The following PDGFD variants were observed in gnomAD, a reference collection of about 807,000 sequenced individuals.
PDGFD encodes the protein platelet derived growth factor D, also known as platelet-derived growth factor D.
In PDGFD, 30 loss-of-function variants were observed where a neutral mutation model predicts 44.7. The observed-to-expected ratio is 0.67, with a 90% CI of 0.50 to 0.91. PDGFD has a LOEUF of 0.91. PDGFD is among the 40% of genes least tolerant of loss of function. The probability of loss-of-function intolerance (pLI) is 0.00; values close to 1 mark genes in which losing one functional copy is unlikely to be tolerated. For missense variants in PDGFD, 445 were observed against 457.8 expected (o/e 0.97, Z 0.25); for synonymous variants, 173 against 168.4 (o/e 1.03, Z -0.21).
intron 1 of PDGFD, among the ~76,000 whole-genome samples, chr11:104,087,028 T>A (rs1390984164): frequency 2.5e-5 from 1 of 39,928 alleles, no homozygotes; most frequent in African/African-American, 3.6e-4. Context: ...AGTCTTTTTT[T>A]TTTTTTTTTT....
chr11:104,029,854 ATAAG>A (rs1481680856), intron 1 of PDGFD, among the ~76,000 whole-genome samples: 1 of 152,174 alleles, frequency 6.6e-6, no homozygotes, highest in Non-Finnish European at 1.5e-5. Context: ...TGTATGATAG[ATAAG>A]TGTTTAGTAC....
chr11:103,980,535 T>C (rs1338351464), intron 3 of PDGFD, among the ~76,000 whole-genome samples: 1 of 152,052 alleles, frequency 6.6e-6, no homozygotes, highest in Non-Finnish European at 1.5e-5. Flanking sequence ...GCCAGGGTTG[T>C]GGGTGTCGAA....
intron 1 of PDGFD, among the ~76,000 whole-genome samples, chr11:104,151,020 G>A (rs1862236754): frequency 6.6e-6 from 1 of 152,052 alleles, no homozygotes; most frequent in Non-Finnish European, 1.5e-5. Context: ...ATAACATTTT[G>A]CAATTTTTAT....
At chr11:104,095,735 T>C (rs999479636) in intron 1 of PDGFD, among the ~76,000 whole-genome samples, 2 of 152,230 alleles carry the variant, frequency 1.3e-5, no homozygotes, top group African/African-American at 4.8e-5. Context: ...ATCTCTGTAA[T>C]GAACACTTGC....
intron 2 of PDGFD, among the ~76,000 whole-genome samples, chr11:103,998,010 T>C (rs1031909520): frequency 1.3e-5 from 2 of 152,174 alleles, no homozygotes; most frequent in African/African-American, 4.8e-5. Context: ...CCTCCCTTAA[T>C]TTCAAGGCCA....
intron 1 of PDGFD, among the ~76,000 whole-genome samples, chr11:104,058,352 C>T (rs191404885): frequency 8.1e-4 from 123 of 152,274 alleles, no homozygotes; most frequent in African/African-American, 2.6e-3. Context: ...AGAGATAGGT[C>T]ACTGAAGAAG....
At chr11:104,141,970 G>A (rs1478168762) in intron 1 of PDGFD, among the ~76,000 whole-genome samples, 1 of 152,114 alleles carries the variant, frequency 6.6e-6, no homozygotes, top group African/African-American at 2.4e-5. Context: ...TTTATAGCCT[G>A]GCTTGAATTC....
At chr11:104,058,186 T>C (rs906357074) in intron 1 of PDGFD, among the ~76,000 whole-genome samples, 1 of 152,296 alleles carries the variant, frequency 6.6e-6, no homozygotes, top group African/African-American at 2.4e-5. Context: ...AACTCTTGGA[T>C]AAACACTTTA....
At chr11:104,066,168 C>T (rs754431555) in intron 1 of PDGFD, among the ~76,000 whole-genome samples, 52 of 152,238 alleles carry the variant, frequency 3.4e-4, no homozygotes, top group South Asian at 2.9e-3. Flanking sequence ...GAATGCCATA[C>T]CTCCGTCATC....
intron 1 of PDGFD, among the ~76,000 whole-genome samples, chr11:104,035,510 A>T (rs1860212697): frequency 6.6e-6 from 1 of 151,084 alleles, no homozygotes; most frequent in Admixed American, 6.6e-5. Flanking sequence ...AAAAAATCAC[A>T]AACACCTGCT....
At chr11:104,038,948 G>A (rs996031006) in intron 1 of PDGFD, 1 of 166,990 alleles carries the variant, frequency 6.0e-6, no homozygotes, top group Middle Eastern at 3.1e-3. Context: ...GGTTTTCACT[G>A]TTAAAATAAC....
chr11:104,145,532 C>T (rs963987787), intron 1 of PDGFD, among the ~76,000 whole-genome samples: 6 of 152,156 alleles, frequency 3.9e-5, no homozygotes, highest in Admixed American at 2.6e-4. Context: ...ATCATTCTTG[C>T]ATAAGTTACA....
At chr11:104,072,517 C>T (rs1860895930) in intron 1 of PDGFD, among the ~76,000 whole-genome samples, 1 of 151,772 alleles carries the variant, frequency 6.6e-6, no homozygotes, top group South Asian at 2.1e-4. Context: ...ATCGTATCAT[C>T]TACATATAGA....
At chr11:103,953,288 C>T (rs1858786328) in intron 3 of PDGFD, among the ~76,000 whole-genome samples, 1 of 151,834 alleles carries the variant, frequency 6.6e-6, no homozygotes, top group South Asian at 2.1e-4. Context: ...ACACTTGTAA[C>T]AGATATAACA....
chr11:104,096,351 A>G (rs568836976), intron 1 of PDGFD, among the ~76,000 whole-genome samples: 11 of 152,314 alleles, frequency 7.2e-5, no homozygotes, highest in African/African-American at 2.4e-4. Flanking sequence ...AAAACAGCAA[A>G]TAGGGAGCAT....
At position 104,082,133 on chromosome 11, in the gene PDGFD, C is replaced by CATATATATATATATATATAT. The variant is rs981551524; in HGVS notation, c.124+81670_124+81671insATATATATATATATATATAT. Among the ~76,000 whole-genome samples the CATATATATATATATATATAT allele has an allele frequency of 4.2e-3, 492 of 117,482 alleles. 42 individuals carry two copies. Among genetic ancestry groups the CATATATATATATATATATAT allele is most frequent in the African/African-American group, 9.9e-3 (249 of 25,268 alleles). The allele number at this position is 117,482 out of a possible 152,430, so 77.1% of individuals were successfully genotyped here. ...ATTTTTGTTGATGTCCATATACATA[C>CATATATATATATATATATAT]ATACATATATATATATGAAAAACAA... is the stretch of plus-strand genomic sequence containing the variant. On this transcript the variant is annotated intron_variant, in intron 1 of 6. Coordinates refer to ENST00000393158, the MANE Select transcript of PDGFD (RefSeq NM_025208.5).
chr11:104,037,835 A>G, intron 1 of PDGFD: 2 of 1,614,202 alleles, frequency 1.2e-6, no homozygotes, highest in Non-Finnish European at 1.7e-6. Flanking sequence ...CTCCGGAGAC[A>G]TCAATGTTCC....
intron 1 of PDGFD, among the ~76,000 whole-genome samples, chr11:104,136,451 T>C (rs1380818939): frequency 6.6e-6 from 1 of 152,118 alleles, no homozygotes; most frequent in African/African-American, 2.4e-5. Context: ...CAATAGTATA[T>C]GCCAAGAAAT....
chr11:103,991,257 G>C (rs1194275315), intron 3 of PDGFD, among the ~76,000 whole-genome samples: 2 of 152,072 alleles, frequency 1.3e-5, no homozygotes, highest in Non-Finnish European at 2.9e-5. Flanking sequence ...ATTAGAGTCT[G>C]CAAAAGTTAT....
Sources: allele counts gnomAD v4.1 joint callset (sites outside exome capture counted in the v4.1 genomes callset), GRCh38; gene constraint gnomAD v4.1.1; transcripts MANE v1.5; gene names NCBI Gene and HGNC (gene_info 2026-07-23, HGNC 2026-07-21).